The following STAU1 variants were observed in gnomAD, a reference collection of about 807,000 sequenced individuals.
The protein encoded by STAU1 is double-stranded RNA-binding protein Staufen homolog 1.
A neutral mutation model predicts 62.9 loss-of-function variants in STAU1; 13 were observed. The observed-to-expected ratio is 0.21, with a 90% CI of 0.13 to 0.33. The LOEUF (loss-of-function observed/expected upper bound fraction) is 0.33. Among genes scored for constraint, STAU1 ranks in the 10% least tolerant of loss-of-function variants. STAU1 has a pLI of 1.00. For missense variants in STAU1, 571 were observed against 712.1 expected, an observed-to-expected ratio of 0.80 and a Z score of 2.25; for synonymous variants, 269 against 265.1, an observed-to-expected ratio of 1.01 and a Z score of -0.14.
rs1197453826 is a variant in STAU1, at chr20:49,113,596, A to G, written c.*1282T>C. ...TCCATGGGGAGAAAAATTCCAGCGT[A>G]AACAATGAATGGAAGCAGTACTTAA... On this transcript the variant is annotated 3_prime_UTR_variant, in exon 14 of 14. Transcript: ENST00000371856. The G allele has an allele frequency of 2.0e-5, 3 of 152,626 alleles. No individual in the cohort carries two copies. Among genetic ancestry groups the G allele is most frequent in the Non-Finnish European group, 4.4e-5 (3 of 68,038 alleles). 9.5% of individuals were successfully genotyped at this position (152,626 alleles called of 1,614,324 possible). A position where few individuals can be genotyped will look rare whatever the true frequency, so the allele number is the denominator to read the frequency against.
chr20:49,188,288 A>G lies in STAU1; in HGVS notation c.-332T>C. On this transcript the variant is annotated 5_prime_UTR_variant, in exon 1 of 14. Transcript: ENST00000371856. ...CCGGGGGGGGGAGGCGGTCAAAGGA[A>G]GCGGGAGCCGAGAGAGACGCGGCAG... 6.6e-6 allele frequency: 1 copy of G among 152,068 alleles called. No homozygotes were observed. Among genetic ancestry groups the G allele is most frequent in the Non-Finnish European group, 1.5e-5 (1 of 68,086 alleles). The allele number at this position is 152,068 out of a possible 1,614,324, so 9.4% of individuals were successfully genotyped here.
At chr20:49,184,272 C>T (rs1287348533) in intron 1 of STAU1, among the ~76,000 whole-genome samples, 1 of 151,958 alleles carries the variant, frequency 6.6e-6, no homozygotes, top group African/African-American at 2.4e-5. Context: ...AAGAGCTAAA[C>T]TCCATCTCAA....
chr20:49,156,243 T>C (rs949768290), intron 3 of STAU1, among the ~76,000 whole-genome samples: 4 of 152,164 alleles, frequency 2.6e-5, no homozygotes, highest in Non-Finnish European at 5.9e-5. Flanking sequence ...CAAAAATATA[T>C]TTTCATTAAA....
the STAU1 span, among the ~76,000 whole-genome samples, chr20:49,215,386 C>T: frequency 6.6e-6 from 1 of 152,090 alleles, no homozygotes; most frequent in African/African-American, 2.4e-5. Context: ...ACCTTCTGAC[C>T]TTGGGCAATT....
chr20:49,142,896 A>C (rs1050680559), intron 5 of STAU1, among the ~76,000 whole-genome samples: 1 of 152,078 alleles, frequency 6.6e-6, no homozygotes, highest in Admixed American at 6.6e-5. Context: ...TTGATCTCCC[A>C]GGCTCAAGCA....
At chr20:49,125,534 G>GAAAAAA (rs527934630) in intron 6 of STAU1, among the ~76,000 whole-genome samples, 2 of 76,356 alleles carry the variant, frequency 2.6e-5, no homozygotes, top group African/African-American at 4.8e-5. Context: ...TGTCTCAAAG[G>GAAAAAA]AAAAAAAAAA....
intron 1 of STAU1, among the ~76,000 whole-genome samples, chr20:49,174,675 C>T (rs1054627077): frequency 2.7e-5 from 4 of 149,642 alleles, no homozygotes; most frequent in Non-Finnish European, 5.9e-5. Flanking sequence ...TGGTGGCGCA[C>T]GCCTGTAATC....
At chr20:49,149,752 G>A (rs117594926) in intron 5 of STAU1, among the ~76,000 whole-genome samples, 59 of 152,298 alleles carry the variant, frequency 3.9e-4, no homozygotes, top group Admixed American at 1.8e-3. Flanking sequence ...TGTTAGAATA[G>A]GTGATTATAG....
chr20:49,124,618 GGACA>G (rs745973924), intron 6 of STAU1, 31 bp from the exon 7 acceptor site: 21 of 1,609,708 alleles, frequency 1.3e-5, no homozygotes, highest in African/African-American at 5.3e-5. Context: ...GAGTGAAAGC[GGACA>G]GACACTTATT....
chr20:49,159,159 A>AAC lies in STAU1; in HGVS notation c.206-5089_206-5088insGT, dbSNP rs2093412392. On this transcript the variant is annotated intron_variant, in intron 3 of 13. Coordinates refer to ENST00000371856, the MANE Select transcript of STAU1 (RefSeq NM_017453.4). ...GAAGGGGAAAAAGCTAAAAAAAAAA[A>AAC]AACACACAAAGTTATTCTCGTGAAC... 8 of 1,061,400 alleles carry AAC rather than the reference A, an allele frequency of 7.5e-6. No individual in the cohort carries two copies. In the African/African-American group the frequency reaches 8.6e-5, roughly 11 times the overall value. 65.7% of individuals were successfully genotyped at this position (1,061,400 alleles called of 1,614,324 possible).
chr20:49,151,539 C>T, intron 5 of STAU1, 43 bp downstream of exon 5: 1 of 1,538,358 alleles, frequency 6.5e-7, no homozygotes, highest in Non-Finnish European at 8.7e-7. Flanking sequence ...CACTACCCTC[C>T]TACCCTGTCG....
At chr20:49,214,069 A>G in the STAU1 span, among the ~76,000 whole-genome samples, 148,452 of 152,264 alleles carry the variant, frequency 0.97, 72,482 homozygotes, top group East Asian at 1. Context: ...AAAATTAGCT[A>G]GGCATGGTGA....
the STAU1 span, among the ~76,000 whole-genome samples, chr20:49,203,250 C>A: frequency 6.6e-6 from 1 of 152,092 alleles, no homozygotes; most frequent in Non-Finnish European, 1.5e-5. Flanking sequence ...CATGATGAAA[C>A]CCCATCTCTA....
Position 49,117,898 on chromosome 20 carries a change from C to A in STAU1, c.1388G>T (p.Gly463Val). ...AMIARELLYG[G>V]TSPTAETILK... ...AATGGTCTCGGCTGTGGGCGAGGTG[C>A]CCCCATACAACAACTCTCGGGCTAT... Residue 463 changes from glycine (G) to valine (V), a missense_variant, in exon 11 of 14, where the codon GGC becomes GTC. This residue lies in a region of STAU1 where 156 missense variants were observed against 194.7 expected (regional missense o/e 0.80). Coordinates refer to ENST00000371856, the MANE Select transcript of STAU1 (RefSeq NM_017453.4). This position sits in a 1 kb window ranked among gnomAD's most constrained non-coding sequence, Gnocchi z 4.6. 5 of 1,614,134 alleles carry A rather than the reference C, an allele frequency of 3.1e-6. No individual in the cohort carries two copies. The highest frequency in any genetic ancestry group is 4.2e-6 in the Non-Finnish European group (5 of 1,180,030).
At chr20:49,124,353 C>G in intron 7 of STAU1, 22 bp downstream of exon 7, 1 of 1,609,828 alleles carries the variant, frequency 6.2e-7, no homozygotes, top group Middle Eastern at 1.7e-4. Context: ...AAAACACCTT[C>G]TGTGTTCAGA....
chr20:49,154,195 G>T (rs2093318236), intron 3 of STAU1, 124 bp from the exon 4 acceptor site: 3 of 971,804 alleles, frequency 3.1e-6, no homozygotes, highest in Non-Finnish European at 4.5e-6. Flanking sequence ...AAGGACCTGG[G>T]TGGCTCACTG....
intron 4 of STAU1, among the ~76,000 whole-genome samples, chr20:49,153,576 T>C (rs925828033): frequency 6.7e-6 from 1 of 150,186 alleles, no homozygotes; most frequent in Non-Finnish European, 1.5e-5. Flanking sequence ...CCAGGCGTGG[T>C]GGCAGGTGCC....
chr20:49,132,033 T>C (rs957594049), intron 6 of STAU1, among the ~76,000 whole-genome samples: 1 of 146,848 alleles, frequency 6.8e-6, no homozygotes, highest in African/African-American at 2.5e-5. Context: ...GATGCACTCT[T>C]TTTTTTTTTG....
chr20:49,183,572 G>A (rs1017617863), intron 1 of STAU1, among the ~76,000 whole-genome samples: 2 of 152,112 alleles, frequency 1.3e-5, no homozygotes, highest in African/African-American at 4.8e-5. Flanking sequence ...CAGTAAAAAG[G>A]CTCAAAGAAA....
Sources: allele counts gnomAD v4.1 joint callset (sites outside exome capture counted in the v4.1 genomes callset), GRCh38; gene constraint gnomAD v4.1.1; regional missense constraint gnomAD v4.1.1; non-coding constraint Gnocchi (gnomAD v3.1); transcripts MANE v1.5; gene names NCBI Gene and HGNC (gene_info 2026-07-23, HGNC 2026-07-21).